PTCHD4: variants seen among roughly 807,000 people sequenced by gnomAD.
PTCHD4 encodes the protein patched domain-containing protein 4.
Under a neutral mutation model 58.1 loss-of-function variants are expected in PTCHD4, and 33 were observed. The observed-to-expected ratio is 0.57, with a 90% CI of 0.43 to 0.76. PTCHD4 has a LOEUF of 0.76. PTCHD4 is among the 30% of genes least tolerant of loss of function. PTCHD4 has a pLI of 0.00. For missense variants in PTCHD4, 1,058 were observed against 1,027.1 expected, an observed-to-expected ratio of 1.03 and a Z score of -0.41; for synonymous variants, 478 against 409.6, an observed-to-expected ratio of 1.17 and a Z score of -2.02.
chr6:47,951,477 A>G (rs1182245906), intron 4 of PTCHD4, among the ~76,000 whole-genome samples: 1 of 152,230 alleles, frequency 6.6e-6, no homozygotes, highest in African/African-American at 2.4e-5. Flanking sequence ...AACATACTAC[A>G]ATAAAAATAT....
chr6:48,104,509 A>C (rs1765678304), intron 1 of PTCHD4, among the ~76,000 whole-genome samples: 1 of 152,240 alleles, frequency 6.6e-6, no homozygotes, highest in Non-Finnish European at 1.5e-5. Context: ...GCCAAATTGT[A>C]AAGACCATCA....
intron 4 of PTCHD4, among the ~76,000 whole-genome samples, chr6:47,938,970 AAG>A (rs1482652153): frequency 1.3e-5 from 2 of 152,146 alleles, no homozygotes; most frequent in Non-Finnish European, 2.9e-5. Context: ...TTCAGGGTAC[AAG>A]AAGGAGTGAG....
At chr6:47,965,755 C>T (rs1390291425) in intron 4 of PTCHD4, among the ~76,000 whole-genome samples, 2 of 151,948 alleles carry the variant, frequency 1.3e-5, no homozygotes, top group African/African-American at 2.4e-5. Flanking sequence ...GGTGAAACCC[C>T]GTCTCTACTA....
intron 3 of PTCHD4, among the ~76,000 whole-genome samples, chr6:48,014,385 GAA>G (rs1490185123): frequency 1.3e-5 from 2 of 152,194 alleles, no homozygotes; most frequent in African/African-American, 4.8e-5. Flanking sequence ...ATTAATATAA[GAA>G]ATATTGTAAT....
chr6:47,928,867 A>G (rs1321812029), intron 4 of PTCHD4, among the ~76,000 whole-genome samples: 1 of 152,200 alleles, frequency 6.6e-6, no homozygotes, highest in Non-Finnish European at 1.5e-5. Context: ...ATAATATGCA[A>G]TGTACTAATG....
intron 4 of PTCHD4, among the ~76,000 whole-genome samples, chr6:48,003,502 A>G (rs1768818351): frequency 6.6e-6 from 1 of 152,226 alleles, no homozygotes; most frequent in South Asian, 2.1e-4. Context: ...CCTGAGTCTA[A>G]TTCCTTTTTA....
At position 47,947,696 on chromosome 6, in the gene PTCHD4, A is replaced by G. The variant is rs187994307; in HGVS notation, c.898+60938T>C. 2.7e-3 allele frequency among the ~76,000 whole-genome samples: 417 copies of G among 152,024 alleles called. 1 individual carries two copies. The highest frequency in any genetic ancestry group is 9.6e-3 in the African/African-American group (397 of 41,462). ...TCTTTTCCTCTCTAGCTGCTTTTAA[A>G]CCGTTTTCTTTGTCTTTAGTGTTTT... On this transcript the variant is annotated intron_variant, in intron 4 of 4. Transcript: ENST00000339488.
intron 3 of PTCHD4, among the ~76,000 whole-genome samples, chr6:48,065,852 G>A (rs1764775248): frequency 6.6e-6 from 1 of 152,192 alleles, no homozygotes; most frequent in African/African-American, 2.4e-5. Context: ...TGTGGAATAA[G>A]AACTTTAGCT....
At chr6:47,976,417 G>A (rs1341907496) in intron 4 of PTCHD4, among the ~76,000 whole-genome samples, 4 of 152,078 alleles carry the variant, frequency 2.6e-5, no homozygotes, top group African/African-American at 9.7e-5. Flanking sequence ...CACTTTGGGA[G>A]GGCAAAGCAG....
chr6:47,909,081 T>C (rs2113863969), intron 4 of PTCHD4, among the ~76,000 whole-genome samples: 1 of 152,314 alleles, frequency 6.6e-6, no homozygotes, highest in Non-Finnish European at 1.5e-5. Flanking sequence ...AATTATGTTT[T>C]GAATGATTTG....
At chr6:47,968,957 C>T (rs1767400854) in intron 4 of PTCHD4, among the ~76,000 whole-genome samples, 1 of 152,048 alleles carries the variant, frequency 6.6e-6, no homozygotes, top group South Asian at 2.1e-4. Context: ...TGTTAAATTC[C>T]TTTATGATTA....
At chr6:47,892,037 T>C (rs1312432106) in intron 4 of PTCHD4, among the ~76,000 whole-genome samples, 1 of 152,148 alleles carries the variant, frequency 6.6e-6, no homozygotes, top group East Asian at 1.9e-4. Flanking sequence ...GTTAGTTGTG[T>C]TATCACTGAA....
intron 4 of PTCHD4, among the ~76,000 whole-genome samples, chr6:47,970,351 T>A (rs1235251759): frequency 6.6e-6 from 1 of 151,328 alleles, no homozygotes; most frequent in African/African-American, 2.4e-5. Flanking sequence ...GGTGGGAGAG[T>A]GGTAATTGAC....
At chr6:47,953,676 A>G (rs544979392) in intron 4 of PTCHD4, among the ~76,000 whole-genome samples, 1 of 152,310 alleles carries the variant, frequency 6.6e-6, no homozygotes, top group African/African-American at 2.4e-5. Flanking sequence ...CTTTGCATGT[A>G]AAAATATTCC....
rs1045414550 is a variant in PTCHD4 at position 47,868,569 on chromosome 6, G to C, written c.*9734C>G. Among the ~76,000 whole-genome samples the C allele has an allele frequency of 6.6e-6, 1 of 151,800 alleles. No individual in the cohort carries two copies. Among genetic ancestry groups the C allele is most frequent in the African/African-American group, 2.4e-5 (1 of 41,398 alleles). ...AACGTCTGCAAAGCAGACATTGTGT[G>C]CTTCATAGTTTGGCATGTCAGTTGC... On this transcript the variant is annotated 3_prime_UTR_variant, in exon 5 of 5. Coordinates refer to ENST00000339488, the MANE Select transcript of PTCHD4 (RefSeq NM_001384253.1).
chr6:48,047,999 T>C (rs911271127), intron 3 of PTCHD4, among the ~76,000 whole-genome samples: 10 of 126,856 alleles, frequency 7.9e-5, no homozygotes, highest in African/African-American at 2.4e-4. Context: ...GTCCTTAAGA[T>C]ATAAAATAAG....
At chr6:48,086,735 G>A (rs556296306) in intron 1 of PTCHD4, among the ~76,000 whole-genome samples, 14 of 152,212 alleles carry the variant, frequency 9.2e-5, no homozygotes, top group African/African-American at 3.4e-4. Flanking sequence ...AAAAGACTCA[G>A]ACTTATAAAG....
intron 4 of PTCHD4, among the ~76,000 whole-genome samples, chr6:47,979,852 T>C (rs974581503): frequency 6.6e-6 from 1 of 152,062 alleles, no homozygotes; most frequent in Non-Finnish European, 1.5e-5. Context: ...GTTCATAAAA[T>C]TGACCACTGC....
chr6:48,058,586 G>A (rs1764502377), intron 3 of PTCHD4, among the ~76,000 whole-genome samples: 1 of 152,136 alleles, frequency 6.6e-6, no homozygotes, highest in Admixed American at 6.5e-5. Context: ...TATGCTTATG[G>A]GAATGGAAAA....
Sources: gnomAD v4.1 joint callset for allele counts (sites outside exome capture counted in the v4.1 genomes callset) on GRCh38, gnomAD v4.1.1 for gene constraint, MANE v1.5 for transcripts, NCBI Gene and HGNC (gene_info 2026-07-23, HGNC 2026-07-21) for gene names.